The following F8 variants were observed in gnomAD, a reference collection of about 807,000 sequenced individuals.
The protein encoded by F8 is antihemophilic factor.
A neutral mutation model predicts 140.6 loss-of-function variants in F8; 12 were observed. The ratio of observed to expected loss-of-function variants is 0.09; its 90% CI spans 0.05 to 0.14. The LOEUF (loss-of-function observed/expected upper bound fraction) is 0.14, where lower values mean the gene tolerates loss of function less well. Ranked by LOEUF, F8 falls within the 10% of genes least tolerant of loss-of-function variation. The pLI, the probability that F8 is intolerant of heterozygous loss-of-function variation, is 1.00. For synonymous variants in F8, 585 were observed against 614.6 expected, an observed-to-expected ratio of 0.95 and a Z score of 0.71; for missense variants, 1,354 against 1,720.7, an observed-to-expected ratio of 0.79 and a Z score of 3.77.
intron 14 of F8, among the ~76,000 whole-genome samples, chrX:154,917,003 A>G (rs1201443597): frequency 9.0e-6 from 1 of 110,964 alleles, no homozygotes; most frequent in Non-Finnish European, 1.9e-5. Flanking sequence ...ATTTGTTTCA[A>G]TAAATTTCCT....
intron 25 of F8, among the ~76,000 whole-genome samples, chrX:154,855,323 G>T (rs1416208859): frequency 9.0e-6 from 1 of 111,632 alleles, no homozygotes; most frequent in African/African-American, 3.3e-5. Flanking sequence ...TGAATTCCCA[G>T]CTCAAGAGCT....
intron 13 of F8, among the ~76,000 whole-genome samples, chrX:154,934,958 T>G (rs782783970): frequency 1.8e-5 from 2 of 109,084 alleles, no homozygotes; most frequent in African/African-American, 6.7e-5. Flanking sequence ...GAGCTTGGAG[T>G]TCAAGACCAG....
intron 22 of F8, among the ~76,000 whole-genome samples, chrX:154,876,692 T>C (rs73563623): frequency 0.012 from 1,376 of 111,487 alleles, 24 homozygotes; most frequent in African/African-American, 0.043. Context: ...GGCCTTTAGA[T>C]TTGGCTTTTG....
chrX:154,935,092 G>A (rs369567832), intron 13 of F8, among the ~76,000 whole-genome samples: 30 of 110,874 alleles, frequency 2.7e-4, no homozygotes, highest in African/African-American at 9.5e-4. Flanking sequence ...AGCCCAGGAG[G>A]TTGAGGCTGC....
intron 14 of F8, among the ~76,000 whole-genome samples, chrX:154,907,483 G>A (rs2073044502): frequency 8.9e-6 from 1 of 112,160 alleles, no homozygotes; most frequent in South Asian, 3.7e-4. Context: ...GTATGCATGT[G>A]TTTGGCTTTG....
intron 13 of F8, among the ~76,000 whole-genome samples, chrX:154,939,541 C>T (rs1444837987): frequency 8.9e-6 from 1 of 112,871 alleles, no homozygotes; most frequent in Non-Finnish European, 1.9e-5. Flanking sequence ...GTGGAGCCCC[C>T]CACAGCTCAA....
chrX:154,903,955 A>T lies in F8; in HGVS notation c.5949T>A (p.Thr1983=). Residue 1983 remains threonine, a synonymous_variant, in exon 18 of 26, where the codon ACT becomes ACA. Transcript: ENST00000360256. ...TTTTATACTCCTCTTTTTTTCGTAC[A>T]GTGAACACATGTCCACTGAAATGAA... The part of the protein sequence containing the change: ...HSIHFSGHVF[T]VRKKEEYKMA... 8.3e-7 allele frequency: 1 copy of T among 1,210,601 alleles called. No homozygotes were observed. Among genetic ancestry groups the T allele is most frequent in the Middle Eastern group, 2.3e-4 (1 of 4,351 alleles).
chrX:154,864,407 T>G (rs184330318), intron 22 of F8, among the ~76,000 whole-genome samples: 76 of 112,679 alleles, frequency 6.7e-4, no homozygotes, highest in African/African-American at 2.3e-3. Context: ...TGCTAGGCTA[T>G]GTGGATCATG....
intron 6 of F8, among the ~76,000 whole-genome samples, chrX:154,970,269 G>A (rs1230148072): frequency 3.6e-5 from 4 of 111,956 alleles, no homozygotes; most frequent in Non-Finnish European, 7.5e-5. Context: ...TGTCTTGCAG[G>A]AGAGGAAACG....
chrX:154,925,948 G>C (rs1557278038), intron 14 of F8, among the ~76,000 whole-genome samples: 1 of 112,123 alleles, frequency 8.9e-6, no homozygotes, highest in Admixed American at 9.4e-5. Flanking sequence ...GTTTGGCTGT[G>C]TCCCTACCCA....
Position 154,930,926 on chromosome X carries a change from A to T in F8, c.2864T>A (p.Leu955Gln), listed in dbSNP as rs1557278739. ...SSPLTESGGP[L>Q]SLSEENNDSK... is the part of the protein sequence containing the mutation. ...ATCATTATTTTCTTCACTCAAGCTC[A>T]GAGGTCCACCAGACTCAGTAAGGGG... is the stretch of plus-strand genomic sequence containing the variant. The change falls in exon 14 of 26, where the codon CTG (leucine) becomes CAG (glutamine). Residue 955 changes from leucine (L) to glutamine (Q), a missense_variant. This residue lies in a region of F8 where 658 missense variants were observed against 666.5 expected (regional missense o/e 0.99). Transcript: ENST00000360256. 3 of 1,199,342 alleles carry T rather than the reference A, an allele frequency of 2.5e-6. No homozygotes were observed. The South Asian group carries it at 5.5e-5, about 22-fold the overall frequency.
At chrX:154,972,578 G>C (rs1266479233) in intron 6 of F8, among the ~76,000 whole-genome samples, 2 of 110,431 alleles carry the variant, frequency 1.8e-5, no homozygotes, top group East Asian at 2.8e-4. Context: ...TTGAGGTCTT[G>C]TCTAACAAAT....
intron 4 of F8, among the ~76,000 whole-genome samples, chrX:154,987,860 A>G (rs991867927): frequency 3.6e-5 from 4 of 112,295 alleles, no homozygotes; most frequent in Admixed American, 1.9e-4. Flanking sequence ...CTTGTTGGCT[A>G]TCTTTCTTAG....
intron 13 of F8, among the ~76,000 whole-genome samples, chrX:154,941,156 C>T (rs148067025): frequency 0.029 from 3,255 of 111,766 alleles, 105 homozygotes; most frequent in African/African-American, 0.099. Flanking sequence ...ATCAAATTCA[C>T]ACATAACAAT....
chrX:154,837,087 C>G lies in F8; in HGVS notation c.*510G>C, dbSNP rs1462243390. The G allele has an allele frequency of 8.1e-6, 1 of 123,170 alleles. No individual in the cohort carries two copies. Among genetic ancestry groups the G allele is most frequent in the African/African-American group, 3.2e-5 (1 of 31,020 alleles). 10.2% of individuals were successfully genotyped at this position (123,170 alleles called of 1,213,427 possible). ...GTATTCTCTCCATTTTGCAGATTGT[C>G]CAAATGATTTGCCTTTTGACTCCAA... On this transcript the variant is annotated 3_prime_UTR_variant, in exon 26 of 26. Transcript: ENST00000360256.
chrX:154,904,897 A>G lies in F8; in HGVS notation c.5500T>C (p.Tyr1834His). 1 of 1,210,664 alleles carries G rather than the reference A, an allele frequency of 8.3e-7. No individual in the cohort carries two copies. Among genetic ancestry groups the G allele is most frequent in the Non-Finnish European group, 1.1e-6 (1 of 894,641 alleles). Residue 1834 changes from tyrosine (Y) to histidine (H), a missense_variant, in exon 16 of 26, where the codon TAC becomes CAC. Around this residue, in one of 4 missense-constraint regions of F8, gnomAD observed 316 missense variants for 485.4 expected, o/e 0.65. Coordinates refer to ENST00000360256, the MANE Select transcript of F8 (RefSeq NM_000132.4). ...ATATGATGTTGCACTTTCCAAAAGT[A>G]AGTTTTGGTTTCATTAGGCTTGACA... Reference protein sequence around the residue: ...NFVKPNETKTYFWKVQHHMAP... With the variant: ...NFVKPNETKTHFWKVQHHMAP...
chrX:154,947,224 GAAAAA>G (rs781928603), intron 13 of F8, among the ~76,000 whole-genome samples: 1 of 17,855 alleles, frequency 5.6e-5, no homozygotes, highest in Admixed American at 7.3e-4. Flanking sequence ...GACTCCGTCT[GAAAAA>G]AAAAAAAAAA....
intron 14 of F8, among the ~76,000 whole-genome samples, chrX:154,909,963 T>G (rs189288752): frequency 1.8e-5 from 2 of 112,041 alleles, no homozygotes; most frequent in Non-Finnish European, 3.8e-5. Flanking sequence ...TCCCTTCTAT[T>G]TAAGTGTAAT....
At chrX:154,980,254 G>T (rs1328128595) in intron 6 of F8, among the ~76,000 whole-genome samples, 3 of 111,697 alleles carry the variant, frequency 2.7e-5, no homozygotes, top group Non-Finnish European at 5.6e-5. Context: ...CTTTGAGCTT[G>T]CTGATCCTTT....
Sources: gnomAD v4.1 joint callset for allele counts (sites outside exome capture counted in the v4.1 genomes callset) on GRCh38, gnomAD v4.1.1 for gene constraint, gnomAD v4.1.1 regional missense constraint, MANE v1.5 for transcripts, NCBI Gene and HGNC (gene_info 2026-07-23, HGNC 2026-07-21) for gene names.